The following PIEZO1 variants were observed in gnomAD, a reference collection of about 807,000 sequenced individuals.
PIEZO1 encodes the protein piezo type mechanosensitive ion channel component 1 (Er blood group).
Under a neutral mutation model 297.2 loss-of-function variants are expected in PIEZO1, and 296 were observed. The ratio of observed to expected loss-of-function variants is 1.00; its 90% CI spans 0.91 to 1.10. The LOEUF (loss-of-function observed/expected upper bound fraction) is 1.10, where lower values mean the gene tolerates loss of function less well. PIEZO1 is among the 50% of genes least tolerant of loss of function. The pLI is 0.00. For synonymous variants in PIEZO1, 2,427 were observed against 1,507.5 expected (o/e 1.61, Z -14.13); for missense variants, 5,018 against 3,455.5 (o/e 1.45, Z -11.34).
chr16:88,725,301 G>T (rs1015206526), intron 29 of PIEZO1, 115 bp downstream of exon 29: 4 of 741,018 alleles, frequency 5.4e-6, no homozygotes, highest in Non-Finnish European at 8.5e-6. Flanking sequence ...ATGCGGACAG[G>T]ACAGGCGGGC....
Position 88,734,926 on chromosome 16 carries a change from G to A in PIEZO1, c.1797C>T (p.Val599=). The A allele has an allele frequency of 6.4e-7, 1 of 1,550,434 alleles. No individual in the cohort carries two copies. Among genetic ancestry groups the A allele is most frequent in the Non-Finnish European group, 8.7e-7 (1 of 1,146,972 alleles). Residue 599 remains valine (V), a synonymous_variant, in exon 14 of 51, where the codon GTC becomes GTT. Transcript: ENST00000301015. ...AGAGGAACATGTAGACAATCTTGTA[G>A]ACCACGAGGCGGCCGGCGAAGCTGA... ...IVVSFAGRLV[V]YKIVYMFLFL...
chr16:88,742,919 C>T (rs1001556806), intron 2 of PIEZO1: 1 of 373,538 alleles, frequency 2.7e-6, no homozygotes, highest in Non-Finnish European at 5.4e-6. Context: ...CAGGCAGCTG[C>T]CTCCCTGGGG....
chr16:88,719,731 G>T lies in PIEZO1; in HGVS notation c.6324-10C>A. The stretch of plus-strand genomic sequence containing the variant: ...CGGCACCAGCCGGAACCTGCCCACA[G>T]CCAGGGTTCCCGTCAGGTGGGCTCC... On this transcript the variant is annotated splice_polypyrimidine_tract_variant and intron_variant, in intron 43 of 50. Coordinates refer to ENST00000301015, the MANE Select transcript of PIEZO1 (RefSeq NM_001142864.4). The T allele has an allele frequency of 6.4e-7, 1 of 1,550,568 alleles. No homozygotes were observed. Among genetic ancestry groups the T allele is most frequent in the Non-Finnish European group, 8.7e-7 (1 of 1,146,960 alleles).
chr16:88,762,353 C>A lies in PIEZO1; in HGVS notation c.65-12874G>T, dbSNP rs114210005. The stretch of plus-strand genomic sequence containing the variant: ...TTCCTTCACACACCATGGCCTCCCC[C>A]ACCTGAGGTCAGTGATGGGCACTTT... On this transcript the variant is annotated intron_variant, in intron 1 of 50. Transcript: ENST00000301015. Among the ~76,000 whole-genome samples the A allele has an allele frequency of 1.8e-4, 27 of 152,342 alleles. 1 individual carries two copies. Among genetic ancestry groups the A allele is most frequent in the African/African-American group, 5.1e-4 (21 of 41,572 alleles).
chr16:88,741,986 C>T (rs1333213615), intron 4 of PIEZO1, 67 bp downstream of exon 4: 1 of 1,500,100 alleles, frequency 6.7e-7, no homozygotes, highest in Non-Finnish European at 9.0e-7. Flanking sequence ...CCTGGGTCCC[C>T]CCACTTCCTG....
At chr16:88,734,583 C>A (rs531780121) in intron 15 of PIEZO1, 45 bp from the exon 16 acceptor site, 3 of 1,545,896 alleles carry the variant, frequency 1.9e-6, no homozygotes, top group Non-Finnish European at 2.6e-6. Flanking sequence ...CCGGCAGAGC[C>A]GCTGCAGCCC....
intron 12 of PIEZO1, among the ~76,000 whole-genome samples, chr16:88,735,692 C>T (rs1197266199): frequency 6.6e-6 from 1 of 152,280 alleles, no homozygotes; most frequent in African/African-American, 2.4e-5. Context: ...ACGATGCTGG[C>T]ACCCGTTTCA....
Position 88,735,170 on chromosome 16 carries a change from G to A in PIEZO1, c.1634C>T (p.Pro545Leu). 2 of 1,550,364 alleles carry A rather than the reference G, an allele frequency of 1.3e-6. No individual in the cohort carries two copies. The highest frequency in any genetic ancestry group is 1.7e-6 in the Non-Finnish European group (2 of 1,146,902). The change falls in exon 13 of 51, where the codon CCA (proline) becomes CTA (leucine). Residue 545 changes from proline to leucine, a missense_variant. Coordinates refer to ENST00000301015, the MANE Select transcript of PIEZO1 (RefSeq NM_001142864.4). Reference sequence around the variant, plus strand: ...CACGGTGACCTCCGTCAGCGCAGCTGGAGACTCTGCCCACTTCAGCAGCTT... The same window carrying A: ...CACGGTGACCTCCGTCAGCGCAGCTAGAGACTCTGCCCACTTCAGCAGCTT... ...KEKLLKWAES[P>L]AALTEVTVAD... is the part of the protein sequence containing the mutation.
Position 88,721,678 on chromosome 16 carries a change from TC to T in PIEZO1, c.5262del (p.Trp1754Ter), listed in dbSNP as rs1246744934. 2 of 1,549,700 alleles carry T rather than the reference TC, an allele frequency of 1.3e-6. No individual in the cohort carries two copies. On this transcript the variant is annotated frameshift_variant, in exon 38 of 51. Transcript: ENST00000301015. LOFTEE classifies it high-confidence loss of function. The stretch of plus-strand genomic sequence containing the variant: ...TAGCGCCGCAGCACCACGTGGCTGT[TC>T]CAGGGGAAGAACCCAAACTGGAACA... ...KYLFQFGFFP[W>X]NSHVVLRRYE... is the part of the protein sequence containing the mutation.
In PIEZO1 at chr16:88,721,150, G is replaced by A; in HGVS notation, c.5668+16C>T. 2.7e-6 allele frequency: 4 copies of A among 1,473,650 alleles called. No individual in the cohort carries two copies. Among genetic ancestry groups the A allele is most frequent in the Non-Finnish European group, 3.6e-6 (4 of 1,112,824 alleles). 91.3% of individuals were successfully genotyped at this position (1,473,650 alleles called of 1,614,324 possible). A position where few individuals can be genotyped will look rare whatever the true frequency, so the allele number is the denominator to read the frequency against. Reference sequence around the variant, plus strand: ...AAACTGGGTAGGCAGGAGGTTGTGAGGCAGGGCGCTTATACCGATGGCTGC... The same window carrying A: ...AAACTGGGTAGGCAGGAGGTTGTGAAGCAGGGCGCTTATACCGATGGCTGC... On this transcript the variant is annotated intron_variant, in intron 39 of 50. Coordinates refer to ENST00000301015, the MANE Select transcript of PIEZO1 (RefSeq NM_001142864.4).
rs1911911823 is a variant in PIEZO1 at position 88,715,389 on chromosome 16, C to CTA, written c.*214_*215dup. Reference sequence around the variant, plus strand: ...ACATTTTTTAATTAAAAAAAAAACTCTACAGTACACGTGGGGGACGGCAGC... The same window carrying CTA: ...ACATTTTTTAATTAAAAAAAAAACTCTATACAGTACACGTGGGGGACGGCAGC... On this transcript the variant is annotated 3_prime_UTR_variant, in exon 51 of 51. Coordinates refer to ENST00000301015, the MANE Select transcript of PIEZO1 (RefSeq NM_001142864.4). 2 of 1,058,318 alleles carry CTA rather than the reference C, an allele frequency of 1.9e-6. No homozygotes were observed. Among genetic ancestry groups the CTA allele is most frequent in the South Asian group, 3.2e-5 (2 of 62,176 alleles). The allele number at this position is 1,058,318 out of a possible 1,614,324, so 65.6% of individuals were successfully genotyped here.
chr16:88,744,500 C>T (rs1054901215), intron 2 of PIEZO1, among the ~76,000 whole-genome samples: 10 of 151,732 alleles, frequency 6.6e-5, no homozygotes, highest in Admixed American at 4.6e-4. Flanking sequence ...TCCAGCAGCC[C>T]GGGAAGGAAC....
intron 44 of PIEZO1, 188 bp from the exon 45 acceptor site, chr16:88,717,399 T>G (rs1416334502): frequency 3.1e-6 from 2 of 651,462 alleles, no homozygotes; most frequent in African/African-American, 3.6e-5. Flanking sequence ...ACCCTCATGT[T>G]CAGGGGTCGT....
intron 1 of PIEZO1, among the ~76,000 whole-genome samples, chr16:88,758,101 G>A (rs985207781): frequency 1.3e-5 from 2 of 152,130 alleles, no homozygotes; most frequent in African/African-American, 4.8e-5. Context: ...ATCCCCAGGA[G>A]CCTCCTCAGC....
Position 88,726,347 on chromosome 16 carries a change from A to G in PIEZO1, c.3905T>C (p.Phe1302Ser), listed in dbSNP as rs1161441775. The change falls in exon 27 of 51, where the codon TTC becomes TCC. Residue 1302 changes from phenylalanine (F) to serine (S), a missense_variant. Physicochemically the swap from Phe to Ser is radical, Grantham distance 155. Transcript: ENST00000301015. ...FFFLLLQRRVFLSHYYLHVRA... is the reference protein window; with the variant it reads ...FFFLLLQRRVSLSHYYLHVRA... Reference sequence around the variant, plus strand: ...GACGTGCAGGTAGTAATGGCTAAGGAAGACGCGGCGCTGCAGCAGCAGGAA... The same window carrying G: ...GACGTGCAGGTAGTAATGGCTAAGGGAGACGCGGCGCTGCAGCAGCAGGAA... The G allele has an allele frequency of 6.5e-7, 1 of 1,550,386 alleles. No individual in the cohort carries two copies. The highest frequency in any genetic ancestry group is 2.0e-5 in the Admixed American group (1 of 50,996).
rs540432098 is a variant in PIEZO1, at chr16:88,719,968, G to A, written c.6165-8C>T. The A allele has an allele frequency of 6.8e-5, 106 of 1,550,092 alleles. No homozygotes were observed. The highest frequency in any genetic ancestry group is 3.0e-4 in the South Asian group (25 of 84,068). ...ACATTCTGGTTGAACATCCTGGGGC[G>A]GGATGGCCAGGTCAAGGACCCCATC... On this transcript the variant is annotated splice_polypyrimidine_tract_variant and splice_region_variant and intron_variant, in intron 42 of 50. Coordinates refer to ENST00000301015, the MANE Select transcript of PIEZO1 (RefSeq NM_001142864.4).
chr16:88,721,828 T>C lies in PIEZO1; in HGVS notation c.5194A>G (p.Thr1732Ala), dbSNP rs1417292042. 1.9e-6 allele frequency: 3 copies of C among 1,547,356 alleles called. No individual in the cohort carries two copies. Among genetic ancestry groups the C allele is most frequent in the Admixed American group, 3.9e-5 (2 of 50,966 alleles). Residue 1732 changes from threonine to alanine, a missense_variant, in exon 37 of 51, where the codon ACG becomes GCG. Coordinates refer to ENST00000301015, the MANE Select transcript of PIEZO1 (RefSeq NM_001142864.4). ...IPRPSKRFWM[T>A]AIVFTEIAVV... ...CCCACCTCGGTGAAGACGATGGCCG[T>C]CATCCAGAAGCGCTTGCTGGGCCTC...
intron 1 of PIEZO1, among the ~76,000 whole-genome samples, chr16:88,752,426 G>A (rs1906436066): frequency 1.3e-5 from 2 of 152,240 alleles, no homozygotes; most frequent in Admixed American, 1.3e-4. Flanking sequence ...AGGCCGCAGT[G>A]AGCCATGATC....
chr16:88,736,822 G>T, intron 10 of PIEZO1, 83 bp from the exon 11 acceptor site: 1 of 857,262 alleles, frequency 1.2e-6, no homozygotes, highest in Non-Finnish European at 1.8e-6. Flanking sequence ...TCTGGGCCCT[G>T]GGCAAGCACA....
Sources: allele counts gnomAD v4.1 joint callset (sites outside exome capture counted in the v4.1 genomes callset), GRCh38; gene constraint gnomAD v4.1.1; transcripts MANE v1.5; gene names NCBI Gene and HGNC (gene_info 2026-07-23, HGNC 2026-07-21).